ZNF362: variants seen among roughly 807,000 people sequenced by gnomAD.
The protein encoded by ZNF362 is zinc finger protein 362, also known as rotund homolog.
ZNF362 carries 11 observed loss-of-function variants against 42.9 expected under a neutral mutation model. The ratio of observed to expected loss-of-function variants is 0.26; its 90% confidence interval spans 0.16 to 0.42. ZNF362 has a LOEUF of 0.42. Among genes scored for constraint, ZNF362 ranks in the 20% least tolerant of loss-of-function variants. ZNF362 has a pLI of 1.00. For missense variants in ZNF362, 362 were observed against 576.2 expected, an observed-to-expected ratio of 0.63 and a Z score of 3.81; for synonymous variants, 255 against 257.3, an observed-to-expected ratio of 0.99 and a Z score of 0.09.
At chr1:33,259,157 C>A (rs1645813144) in intron 1 of ZNF362, among the ~76,000 whole-genome samples, 1 of 152,182 alleles carries the variant, frequency 6.6e-6, no homozygotes, top group Non-Finnish European at 1.5e-5. Flanking sequence ...CAGAACCAGA[C>A]CCTGATCTCC....
chr1:33,127,983 C>T, the ZNF362 span, among the ~76,000 whole-genome samples: 1,835 of 152,168 alleles, frequency 0.012, 48 homozygotes, highest in African/African-American at 0.042. Flanking sequence ...TGTATCCTGG[C>T]CTAAGTTACT....
intron 8 of ZNF362, among the ~76,000 whole-genome samples, chr1:33,297,325 A>G (rs1483448378): frequency 1.4e-5 from 2 of 147,190 alleles, no homozygotes; most frequent in Non-Finnish European, 3.0e-5. Flanking sequence ...ACATCATACT[A>G]TTTCTAAAAA....
At chr1:33,218,147 A>G in the ZNF362 span, among the ~76,000 whole-genome samples, 1 of 152,230 alleles carries the variant, frequency 6.6e-6, no homozygotes, top group Non-Finnish European at 1.5e-5. Context: ...ACAGTTAGGT[A>G]GAAAAATGTA....
chr1:33,219,563 G>A, the ZNF362 span, among the ~76,000 whole-genome samples: 88 of 152,310 alleles, frequency 5.8e-4, no homozygotes, highest in African/African-American at 1.4e-3. Flanking sequence ...GGCAGAAAAG[G>A]CCAGCACATG....
the ZNF362 span, among the ~76,000 whole-genome samples, chr1:33,220,168 G>T: frequency 2.9e-3 from 446 of 152,218 alleles, 4 homozygotes; most frequent in African/African-American, 0.01. Context: ...CAGGGAAGGG[G>T]TTGTAAGGTC....
the ZNF362 span, among the ~76,000 whole-genome samples, chr1:33,157,796 G>T: frequency 2.0e-5 from 3 of 150,234 alleles, no homozygotes; most frequent in Non-Finnish European, 4.4e-5. Flanking sequence ...TTGCTCTGTT[G>T]CCCAGGCTGG....
the ZNF362 span, among the ~76,000 whole-genome samples, chr1:33,231,291 A>G: frequency 1.3e-5 from 2 of 152,182 alleles, no homozygotes; most frequent in African/African-American, 4.8e-5. Context: ...CCATTGTGCT[A>G]TTCTACTGGT....
At position 33,276,462 on chromosome 1, in the gene ZNF362, C is replaced by T. The variant is rs1645947617; in HGVS notation, c.217C>T (p.Pro73Ser). 2 of 1,552,796 alleles carry T rather than the reference C, an allele frequency of 1.3e-6. No individual in the cohort carries two copies. Among genetic ancestry groups the T allele is most frequent in the East Asian group, 2.4e-5 (1 of 41,418 alleles). The change falls in exon 4 of 9, where the codon CCG (proline) becomes TCG (serine). Residue 73 changes from proline (P) to serine (S), a missense_variant. Physicochemically the swap from Pro to Ser is moderately conservative, Grantham distance 74. Transcript: ENST00000539719. ...GTCGCAGCAGCCGTTGCTAGTGCCG[C>T]CGGCACCCGCCGAGAGCAGCCAGGC... ...ASSQQPLLVP[P>S]APAESSQAVM...
At chr1:33,160,151 C>T in the ZNF362 span, among the ~76,000 whole-genome samples, 1 of 151,978 alleles carries the variant, frequency 6.6e-6, no homozygotes, top group African/African-American at 2.4e-5. Flanking sequence ...ATGAAATGGC[C>T]CAGGTGAGAA....
chr1:33,298,204 G>A (rs1356986373), intron 8 of ZNF362, among the ~76,000 whole-genome samples: 2 of 152,162 alleles, frequency 1.3e-5, no homozygotes, highest in Non-Finnish European at 2.9e-5. Flanking sequence ...CAGAGCCAGT[G>A]GAGGACATGA....
At chr1:33,136,399 C>T in the ZNF362 span, among the ~76,000 whole-genome samples, 178 of 150,272 alleles carry the variant, frequency 1.2e-3, 3 homozygotes, top group South Asian at 0.03. Flanking sequence ...TTGATAGTGC[C>T]TCGCCATCAC....
the ZNF362 span, among the ~76,000 whole-genome samples, chr1:33,137,946 A>T: frequency 6.6e-6 from 1 of 152,168 alleles, no homozygotes; most frequent in African/African-American, 2.4e-5. Flanking sequence ...AGAGCCGAGG[A>T]GCTGAGGGTC....
the ZNF362 span, among the ~76,000 whole-genome samples, chr1:33,180,434 C>T: frequency 1.3e-5 from 2 of 152,256 alleles, no homozygotes; most frequent in Admixed American, 1.3e-4. Flanking sequence ...CAAACCTGCC[C>T]TCTCAGCACT....
the ZNF362 span, among the ~76,000 whole-genome samples, chr1:33,245,009 G>T: frequency 1.1e-4 from 16 of 152,198 alleles, no homozygotes; most frequent in African/African-American, 3.6e-4. Context: ...TTTGTCAGGT[G>T]CACAGGGTCT....
the ZNF362 span, among the ~76,000 whole-genome samples, chr1:33,236,589 T>C: frequency 1.1e-5 from 1 of 93,510 alleles, no homozygotes; most frequent in South Asian, 4.2e-4. Context: ...ACACACACAA[T>C]ATTTGCCCTT....
the ZNF362 span, among the ~76,000 whole-genome samples, chr1:33,244,875 C>T: frequency 6.6e-6 from 1 of 152,192 alleles, no homozygotes; most frequent in Non-Finnish European, 1.5e-5. This position sits in a 1 kb window ranked among gnomAD's most constrained non-coding sequence, Gnocchi z 4.0. Context: ...GGTTTAATCG[C>T]TGGGATTTTC....
intron 2 of ZNF362, among the ~76,000 whole-genome samples, chr1:33,270,861 T>G (rs1168865881): frequency 2.0e-5 from 3 of 152,124 alleles, no homozygotes; most frequent in African/African-American, 7.2e-5. Context: ...ATCTGTCATT[T>G]GTGTCTGGGT....
intron 2 of ZNF362, among the ~76,000 whole-genome samples, chr1:33,270,833 T>G (rs1645897750): frequency 6.6e-6 from 1 of 152,112 alleles, no homozygotes; most frequent in Non-Finnish European, 1.5e-5. Flanking sequence ...CAGTCCACAT[T>G]TGGGGCCACA....
At chr1:33,271,365 C>T (rs1477322581) in intron 2 of ZNF362, among the ~76,000 whole-genome samples, 1 of 152,250 alleles carries the variant, frequency 6.6e-6, no homozygotes, top group Non-Finnish European at 1.5e-5. Context: ...CTAACTCCCA[C>T]TCATCCTTTA....
Sources: gnomAD v4.1 joint callset for allele counts (sites outside exome capture counted in the v4.1 genomes callset) on GRCh38, gnomAD v4.1.1 for gene constraint, Gnocchi (gnomAD v3.1) non-coding constraint, MANE v1.5 for transcripts, NCBI Gene and HGNC (gene_info 2026-07-23, HGNC 2026-07-21) for gene names.